Variants in COL21A1 observed in about 807,000 individuals in gnomAD.
COL21A1 encodes collagen type XXI alpha 1 chain, also known as collagen alpha-1(XXI) chain.
A neutral mutation model predicts 137.9 loss-of-function variants in COL21A1; 149 were observed. The ratio of observed to expected loss-of-function variants is 1.08; its 90% CI spans 0.95 to 1.24. COL21A1 has a LOEUF of 1.24. Ranked by LOEUF, COL21A1 falls within the 50% of genes most tolerant of loss-of-function variation. The probability of loss-of-function intolerance (pLI) is 0.00; values close to 1 mark genes in which losing one functional copy is unlikely to be tolerated. For missense variants in COL21A1, 1,167 were observed against 1,158.4 expected, an observed-to-expected ratio of 1.01 and a Z score of -0.11; for synonymous variants, 456 against 391.5, an observed-to-expected ratio of 1.16 and a Z score of -1.95.
At chr6:56,058,239 C>G (rs933824036) in intron 29 of COL21A1, among the ~76,000 whole-genome samples, 1 of 152,058 alleles carries the variant, frequency 6.6e-6, no homozygotes, top group Admixed American at 6.6e-5. Flanking sequence ...ATTTTTGTGC[C>G]GTATTTGCAA....
At position 56,066,892 on chromosome 6, in the gene COL21A1, G is replaced by T. The variant is rs191482032; in HGVS notation, c.2127+403C>A. ...GATTTGAATATGTTTTATATTTAGG[G>T]TTAAAGGTTTTTTATCAAACTTTTG... On this transcript the variant is annotated intron_variant, in intron 23 of 29. Transcript: ENST00000244728. 3.8e-3 allele frequency among the ~76,000 whole-genome samples: 569 copies of T among 151,158 alleles called. 3 individuals carry two copies. The highest frequency in any genetic ancestry group is 0.013 in the African/African-American group (517 of 41,310).
intron 1 of COL21A1, among the ~76,000 whole-genome samples, chr6:56,294,630 C>T (rs1424433038): frequency 6.6e-6 from 1 of 152,084 alleles, no homozygotes; most frequent in Non-Finnish European, 1.5e-5. Flanking sequence ...TTGTGTTACA[C>T]ATTCTATGGG....
chr6:56,255,698 G>A (rs1251941875), intron 1 of COL21A1, among the ~76,000 whole-genome samples: 3 of 152,206 alleles, frequency 2.0e-5, no homozygotes, highest in Admixed American at 6.5e-5. Flanking sequence ...TCCCTCTGCT[G>A]TGGCAGAGTC....
chr6:56,207,247 G>A (rs9475628), intron 1 of COL21A1, among the ~76,000 whole-genome samples: 3,364 of 152,006 alleles, frequency 0.022, 125 homozygotes, highest in African/African-American at 0.077. Context: ...CCATGAATCC[G>A]GGAGCTGGTT....
intron 1 of COL21A1, among the ~76,000 whole-genome samples, chr6:56,315,298 G>A (rs1764706188): frequency 6.6e-6 from 1 of 152,112 alleles, no homozygotes; most frequent in Non-Finnish European, 1.5e-5. Flanking sequence ...GATCCCACGG[G>A]GCAGATGAAC....
intron 1 of COL21A1, among the ~76,000 whole-genome samples, chr6:56,193,770 T>TCG: frequency 6.7e-6 from 1 of 149,942 alleles, no homozygotes; most frequent in South Asian, 2.1e-4. Flanking sequence ...GTTTTTTTTT[T>TCG]TTTTTGAGAA....
intron 1 of COL21A1, among the ~76,000 whole-genome samples, chr6:56,297,486 T>C (rs1266269311): frequency 1.3e-5 from 2 of 152,110 alleles, no homozygotes; most frequent in Non-Finnish European, 2.9e-5. Context: ...CATTTTTACT[T>C]TGCTTAATGT....
intron 19 of COL21A1, 57 bp from the exon 20 acceptor site, chr6:56,074,342 T>A: frequency 8.6e-7 from 1 of 1,167,340 alleles, no homozygotes; most frequent in Non-Finnish European, 1.2e-6. Flanking sequence ...TAAAAAATAT[T>A]AAATCAATTT....
chr6:56,135,252 A>T (rs566598315), intron 12 of COL21A1, among the ~76,000 whole-genome samples: 1 of 152,240 alleles, frequency 6.6e-6, no homozygotes, highest in South Asian at 2.1e-4. Flanking sequence ...CAACTTATGA[A>T]ATGCATATAA....
chr6:56,377,803 A>C (rs972685433), intron 1 of COL21A1, among the ~76,000 whole-genome samples: 1 of 152,078 alleles, frequency 6.6e-6, no homozygotes, highest in African/African-American at 2.4e-5. Context: ...TGCAGCTCCA[A>C]AAGAGATATG....
intron 17 of COL21A1, among the ~76,000 whole-genome samples, chr6:56,096,693 T>C (rs1321739443): frequency 6.6e-6 from 1 of 152,196 alleles, no homozygotes; most frequent in African/African-American, 2.4e-5. Flanking sequence ...CTTACAGGGA[T>C]GAATCACCAT....
chr6:56,297,101 A>G (rs1764179719), intron 1 of COL21A1, among the ~76,000 whole-genome samples: 1 of 152,070 alleles, frequency 6.6e-6, no homozygotes, highest in Non-Finnish European at 1.5e-5. Context: ...TAGAGATACA[A>G]TACTGAGCCC....
chr6:56,198,558 G>A (rs1266363018), intron 1 of COL21A1, among the ~76,000 whole-genome samples: 4 of 151,796 alleles, frequency 2.6e-5, no homozygotes, highest in Admixed American at 2.0e-4. Context: ...TGATTAAAAT[G>A]AGAAAAAAAG....
At chr6:56,348,762 G>A (rs997150530) in intron 1 of COL21A1, among the ~76,000 whole-genome samples, 1 of 152,210 alleles carries the variant, frequency 6.6e-6, no homozygotes, top group Non-Finnish European at 1.5e-5. Flanking sequence ...TTAGATAACA[G>A]GGCAATTGTC....
rs568714307 is a variant in COL21A1 at position 56,311,656 on chromosome 6, A to G, written c.-39+82315T>C. ...TGTACATGTATTTCTGTAAAAATAA[A>G]TAGTTACCCACAAGATGTTGAAACT... On this transcript the variant is annotated intron_variant, in intron 1 of 28. Coordinates refer to the COL21A1 transcript ENST00000370819. Among the ~76,000 whole-genome samples the G allele has an allele frequency of 4.4e-4, 67 of 152,330 alleles. 1 individual carries two copies. The highest frequency in any genetic ancestry group is 1.6e-3 in the African/African-American group (65 of 41,580).
intron 9 of COL21A1, among the ~76,000 whole-genome samples, chr6:56,157,831 C>A (rs1009299710): frequency 6.6e-6 from 1 of 152,160 alleles, no homozygotes; most frequent in East Asian, 1.9e-4. Flanking sequence ...GAGAGCAAGG[C>A]CCAGGCCAAA....
intron 1 of COL21A1, among the ~76,000 whole-genome samples, chr6:56,378,952 T>C (rs1371767342): frequency 2.0e-5 from 3 of 152,240 alleles, no homozygotes; most frequent in Non-Finnish European, 4.4e-5. Flanking sequence ...CAGAGAATTC[T>C]CTTGGATCTT....
intron 1 of COL21A1, among the ~76,000 whole-genome samples, chr6:56,214,701 G>T (rs972236186): frequency 9.2e-5 from 14 of 151,418 alleles, no homozygotes; most frequent in African/African-American, 3.4e-4. Context: ...TTTGATCATG[G>T]CATATGGTTG....
At chr6:56,256,388 G>A (rs578068862) in intron 1 of COL21A1, among the ~76,000 whole-genome samples, 3 of 152,148 alleles carry the variant, frequency 2.0e-5, no homozygotes, top group Non-Finnish European at 4.4e-5. Context: ...CTAACAGAAT[G>A]TATCTTAATT....
Sources: gnomAD v4.1 joint callset for allele counts (sites outside exome capture counted in the v4.1 genomes callset) on GRCh38, gnomAD v4.1.1 for gene constraint, MANE v1.5 for transcripts, NCBI Gene and HGNC (gene_info 2026-07-23, HGNC 2026-07-21) for gene names.